The following CTNNA3 variants were observed in gnomAD, a reference collection of about 807,000 sequenced individuals.
CTNNA3 encodes the protein catenin alpha-3.
CTNNA3 carries 76 observed loss-of-function variants against 95.7 expected under a neutral mutation model. The ratio of observed to expected loss-of-function variants is 0.79; its 90% confidence interval spans 0.66 to 0.96. The LOEUF (loss-of-function observed/expected upper bound fraction) is 0.96, where lower values mean the gene tolerates loss of function less well. Ranked by LOEUF, CTNNA3 falls within the 40% of genes least tolerant of loss-of-function variation. The probability of loss-of-function intolerance (pLI) is 0.00; values close to 1 mark genes in which losing one functional copy is unlikely to be tolerated. For missense variants in CTNNA3, 1,191 were observed against 1,089.8 expected, an observed-to-expected ratio of 1.09 and a Z score of -1.31; for synonymous variants, 431 against 374.4, an observed-to-expected ratio of 1.15 and a Z score of -1.74.
intron 10 of CTNNA3, among the ~76,000 whole-genome samples, chr10:66,564,155 G>T (rs1475612329): frequency 6.6e-6 from 1 of 152,052 alleles, no homozygotes; most frequent in Admixed American, 6.6e-5. Flanking sequence ...AGGAATAATC[G>T]ATACAGTTTT....
chr10:66,119,172 T>C (rs918354933), intron 13 of CTNNA3, among the ~76,000 whole-genome samples: 1 of 152,228 alleles, frequency 6.6e-6, no homozygotes, highest in Admixed American at 6.5e-5. Context: ...TGAAGTACAG[T>C]ATGCTAGGTA....
At position 66,979,614 on chromosome 10, in the gene CTNNA3, C is replaced by T. The variant is rs80318831; in HGVS notation, c.1047+200703G>A. Among the ~76,000 whole-genome samples, 843 of 152,216 alleles carry T rather than the reference C, an allele frequency of 5.5e-3. 10 individuals carry two copies. Among genetic ancestry groups the T allele is most frequent in the African/African-American group, 0.019 (798 of 41,540 alleles). ...TAACCATTCTATCCCTCAATTGCCA[C>T]ATCAGTAAAATGGGGAGTATAAACA... On this transcript the variant is annotated intron_variant, in intron 7 of 17. Coordinates refer to ENST00000433211, the MANE Select transcript of CTNNA3 (RefSeq NM_013266.4).
At chr10:66,614,594 TAC>T (rs1844445821) in intron 10 of CTNNA3, among the ~76,000 whole-genome samples, 1 of 152,008 alleles carries the variant, frequency 6.6e-6, no homozygotes, top group Non-Finnish European at 1.5e-5. Context: ...TTTTAGAAAT[TAC>T]AGATTTTCAG....
intron 6 of CTNNA3, among the ~76,000 whole-genome samples, chr10:67,215,194 A>T (rs1864303228): frequency 6.6e-6 from 1 of 152,100 alleles, no homozygotes; most frequent in African/African-American, 2.4e-5. Flanking sequence ...TTGCCTAACC[A>T]TTGAATTTTT....
At chr10:66,962,044 G>A (rs539939205) in intron 7 of CTNNA3, among the ~76,000 whole-genome samples, 5 of 152,180 alleles carry the variant, frequency 3.3e-5, no homozygotes, top group Admixed American at 6.5e-5. Context: ...TTAAGCCACC[G>A]TTATTCCTGT....
At chr10:66,227,433 T>C (rs573110543) in intron 13 of CTNNA3, among the ~76,000 whole-genome samples, 2 of 151,766 alleles carry the variant, frequency 1.3e-5, no homozygotes, top group East Asian at 3.9e-4. Context: ...TCTGCCACTA[T>C]TGAGGTGATC....
At chr10:66,207,884 C>T (rs1389022491) in intron 13 of CTNNA3, among the ~76,000 whole-genome samples, 1 of 151,906 alleles carries the variant, frequency 6.6e-6, no homozygotes, top group African/African-American at 2.4e-5. Context: ...TATTTACTCA[C>T]ATTAATAAAA....
intron 7 of CTNNA3, among the ~76,000 whole-genome samples, chr10:67,103,426 T>G (rs1000208236): frequency 2.0e-5 from 3 of 151,792 alleles, no homozygotes; most frequent in African/African-American, 7.2e-5. Flanking sequence ...TCTGGGTTAG[T>G]TACTTGTTAG....
At chr10:66,007,704 T>TCCTCCCTCCCTCCCTACCTC (rs2078916709) in intron 15 of CTNNA3, among the ~76,000 whole-genome samples, 1 of 86,276 alleles carries the variant, frequency 1.2e-5, no homozygotes, top group Non-Finnish European at 2.3e-5. Context: ...GGCTTTTAGA[T>TCCTCCCTCCCTCCCTACCTC]CCTCCCTCCC....
chr10:67,294,649 G>A (rs906851139), intron 5 of CTNNA3, among the ~76,000 whole-genome samples: 3 of 152,052 alleles, frequency 2.0e-5, no homozygotes, highest in African/African-American at 7.2e-5. Context: ...ACTGAGACAG[G>A]AGTTAAAAAG....
At chr10:66,062,593 A>G (rs146442680) in intron 15 of CTNNA3, among the ~76,000 whole-genome samples, 119 of 152,292 alleles carry the variant, frequency 7.8e-4, no homozygotes, top group African/African-American at 2.8e-3. Context: ...ATAGAAGTAA[A>G]GAACAGATTT....
intron 11 of CTNNA3, among the ~76,000 whole-genome samples, chr10:66,401,653 T>C (rs1218086757): frequency 7.3e-6 from 1 of 137,660 alleles, no homozygotes; most frequent in Non-Finnish European, 1.5e-5. Context: ...TTATTCCATT[T>C]CTTTCTTTTT....
At chr10:67,239,507 A>G (rs1434062033) in intron 5 of CTNNA3, among the ~76,000 whole-genome samples, 1 of 152,206 alleles carries the variant, frequency 6.6e-6, no homozygotes, top group Non-Finnish European at 1.5e-5. Context: ...GAGACTAAAC[A>G]GGGAGGAGGA....
chr10:67,660,343 T>C (rs545167036), intron 1 of CTNNA3, among the ~76,000 whole-genome samples: 6 of 152,232 alleles, frequency 3.9e-5, no homozygotes, highest in African/African-American at 1.4e-4. Flanking sequence ...TCCCCAACAA[T>C]TTAGAATTCA....
chr10:66,303,315 G>A (rs1302676951), intron 12 of CTNNA3, among the ~76,000 whole-genome samples: 1 of 151,948 alleles, frequency 6.6e-6, no homozygotes, highest in African/African-American at 2.4e-5. Flanking sequence ...AGAAAAAAAA[G>A]AAACAATAGT....
chr10:66,913,420 A>C (rs1182874368), intron 7 of CTNNA3, among the ~76,000 whole-genome samples: 1 of 152,096 alleles, frequency 6.6e-6, no homozygotes, highest in Non-Finnish European at 1.5e-5. Flanking sequence ...GTCTTAATTC[A>C]TACGGCATCC....
Position 66,503,144 on chromosome 10 carries a change from A to G in CTNNA3, c.1531+17473T>C, listed in dbSNP as rs1169636019. Among the ~76,000 whole-genome samples the G allele has an allele frequency of 2.6e-5, 4 of 152,170 alleles. 1 individual carries two copies. In the South Asian group the frequency reaches 8.3e-4, roughly 31 times the overall value. On this transcript the variant is annotated intron_variant, in intron 11 of 17. Coordinates refer to ENST00000433211, the MANE Select transcript of CTNNA3 (RefSeq NM_013266.4). Reference sequence around the variant, plus strand: ...TTAGTAATAACAGTTATCTTTTACTAGGCCACTCAATATGTCCTAGACACT... The same window carrying G: ...TTAGTAATAACAGTTATCTTTTACTGGGCCACTCAATATGTCCTAGACACT...
intron 12 of CTNNA3, among the ~76,000 whole-genome samples, chr10:66,364,868 T>C (rs1008838600): frequency 1.3e-5 from 2 of 152,178 alleles, no homozygotes; most frequent in African/African-American, 4.8e-5. Flanking sequence ...TACAGTCCTC[T>C]ATGTATGTCT....
chr10:67,013,162 C>T (rs943872252), intron 7 of CTNNA3: 8 of 152,028 alleles, frequency 5.3e-5, no homozygotes, highest in Non-Finnish European at 1.2e-4. Context: ...AGACTAAAGT[C>T]AAAAATGCTA....
Sources: allele counts gnomAD v4.1 joint callset (sites outside exome capture counted in the v4.1 genomes callset), GRCh38; gene constraint gnomAD v4.1.1; transcripts MANE v1.5; gene names NCBI Gene and HGNC (gene_info 2026-07-23, HGNC 2026-07-21).